Variants in CDH7 observed in about 807,000 individuals in gnomAD.
The protein encoded by CDH7 is cadherin 7.
Under a neutral mutation model 71.8 loss-of-function variants are expected in CDH7, and 25 were observed. That is an observed-to-expected ratio of 0.35 (90% CI 0.25 to 0.49). CDH7 has a LOEUF of 0.49. CDH7 is among the 20% of genes least tolerant of loss of function. The probability of loss-of-function intolerance (pLI) is 0.99; values close to 1 mark genes in which losing one functional copy is unlikely to be tolerated. For missense variants in CDH7, 862 were observed against 974.6 expected (o/e 0.88, Z 1.54); for synonymous variants, 381 against 363.8 (o/e 1.05, Z -0.54).
intron 2 of CDH7, among the ~76,000 whole-genome samples, chr18:65,779,772 A>T (rs1239070337): frequency 2.1e-4 from 12 of 57,116 alleles, no homozygotes; most frequent in Non-Finnish European, 3.4e-4. Flanking sequence ...ATACGTGTGC[A>T]TGTGTCTTTA....
chr18:65,880,500 A>G lies in CDH7; in HGVS notation c.1964A>G (p.Asp655Gly). The change falls in exon 12 of 12, where the codon GAC becomes GGC. Residue 655 changes from aspartate to glycine, a missense_variant. Physicochemically the swap from Asp to Gly is moderately conservative, Grantham distance 94 (BLOSUM62 -1). Transcript: ENST00000397968. Reference sequence around the variant, plus strand: ...AGAGAAAATATTGTGAGATACGATGACGAGGGCGGGGGAGAGGAGGACACG... The same window carrying G: ...AGAGAAAATATTGTGAGATACGATGGCGAGGGCGGGGGAGAGGAGGACACG... The part of the protein sequence containing the change: ...DIRENIVRYD[D>G]EGGGEEDTEA... The G allele has an allele frequency of 1.2e-6, 2 of 1,608,630 alleles. No homozygotes were observed. The highest frequency in any genetic ancestry group is 8.5e-7 in the Non-Finnish European group (1 of 1,178,580).
chr18:65,793,418 CAAA>C (rs541826329), intron 2 of CDH7, among the ~76,000 whole-genome samples: 3 of 91,158 alleles, frequency 3.3e-5, no homozygotes, highest in Non-Finnish European at 7.0e-5. Flanking sequence ...CACCCAGTCT[CAAA>C]AAAAAAAAAA....
chr18:65,866,663 A>C (rs963639910), intron 11 of CDH7, among the ~76,000 whole-genome samples: 4 of 152,188 alleles, frequency 2.6e-5, no homozygotes, highest in Non-Finnish European at 5.9e-5. Flanking sequence ...ATTTTTATTT[A>C]AACTGCACAA....
At chr18:65,786,437 T>A (rs1368060288) in intron 2 of CDH7, among the ~76,000 whole-genome samples, 2 of 152,166 alleles carry the variant, frequency 1.3e-5, no homozygotes, top group East Asian at 3.9e-4. Context: ...GACTTTAGAA[T>A]GACCTATGCA....
rs760723632 is a variant in CDH7 at position 65,762,972 on chromosome 18, C to T, written c.130C>T (p.Arg44Trp). 4.3e-6 allele frequency: 7 copies of T among 1,613,602 alleles called. No individual in the cohort carries two copies. Among genetic ancestry groups the T allele is most frequent in the African/African-American group, 1.3e-5 (1 of 74,986 alleles). The change falls in exon 2 of 12, where the codon CGG (arginine) becomes TGG (tryptophan). Residue 44 changes from arginine to tryptophan, a missense_variant. Transcript: ENST00000397968. The stretch of plus-strand genomic sequence containing the variant: ...GCCCTATTTCCAATCAGGGAGGTCC[C>T]GGACCAAGCGCAGCTGGGTGTGGAA... ...SKPYFQSGRS[R>W]TKRSWVWNQF... is the part of the protein sequence containing the mutation.
chr18:65,822,030 T>C, intron 4 of CDH7, 51 bp from the exon 5 acceptor site: 1 of 1,388,450 alleles, frequency 7.2e-7, no homozygotes, highest in Non-Finnish European at 1.0e-6. Flanking sequence ...TCTTTGTTAG[T>C]ATAAATGCAG....
At chr18:65,829,465 T>TAAA (rs1912254593) in intron 6 of CDH7, among the ~76,000 whole-genome samples, 1 of 23,282 alleles carries the variant, frequency 4.3e-5, no homozygotes, top group Admixed American at 5.7e-4. Flanking sequence ...ATAGGTAAAA[T>TAAA]TAAAAAAAAA....
At chr18:65,833,027 C>T (rs1490198579) in intron 6 of CDH7, among the ~76,000 whole-genome samples, 1 of 152,172 alleles carries the variant, frequency 6.6e-6, no homozygotes, top group Non-Finnish European at 1.5e-5. Context: ...CTTTGTCACA[C>T]TATGAAGACA....
At chr18:65,866,594 A>G (rs1344853288) in intron 11 of CDH7, among the ~76,000 whole-genome samples, 1 of 152,186 alleles carries the variant, frequency 6.6e-6, no homozygotes, top group African/African-American at 2.4e-5. Context: ...AGGAGTACAT[A>G]TAACAAGTTA....
chr18:65,806,020 C>T (rs981962220), intron 2 of CDH7, among the ~76,000 whole-genome samples: 2 of 152,126 alleles, frequency 1.3e-5, no homozygotes, highest in Non-Finnish European at 2.9e-5. Context: ...ACAATAGACT[C>T]ATGGTGGAGG....
At position 65,769,842 on chromosome 18, in the gene CDH7, C is replaced by T. The variant is rs369829886; in HGVS notation, c.210+6790C>T. ...GACAGAAGTGATGCTTTTCCCTTCT[C>T]ACTGTATCACGTCAGAAGATAGAGG... On this transcript the variant is annotated intron_variant, in intron 2 of 11. Coordinates refer to ENST00000397968, the MANE Select transcript of CDH7 (RefSeq NM_004361.5). Among the ~76,000 whole-genome samples the T allele has an allele frequency of 6.8e-4, 104 of 152,224 alleles. 3 individuals carry two copies. The South Asian group carries it at 0.021, about 30-fold the overall frequency.
intron 1 of CDH7, among the ~76,000 whole-genome samples, chr18:65,761,712 T>C (rs1201110693): frequency 6.6e-6 from 1 of 152,156 alleles, no homozygotes; most frequent in Middle Eastern, 3.2e-3. Context: ...TGTTCGAAAG[T>C]TTGTTTTGTA....
intron 2 of CDH7, among the ~76,000 whole-genome samples, chr18:65,804,362 A>G (rs1376891835): frequency 6.6e-6 from 1 of 152,178 alleles, no homozygotes; most frequent in African/African-American, 2.4e-5. Flanking sequence ...AGTAAGATCA[A>G]ATAACAAGCA....
intron 3 of CDH7, among the ~76,000 whole-genome samples, chr18:65,813,963 A>G (rs1249495751): frequency 6.6e-6 from 1 of 152,214 alleles, no homozygotes; most frequent in East Asian, 1.9e-4. Flanking sequence ...CCAAGGAGAT[A>G]GGGTAGCCAC....
At chr18:65,869,175 A>G (rs1286087494) in intron 11 of CDH7, among the ~76,000 whole-genome samples, 1 of 151,688 alleles carries the variant, frequency 6.6e-6, no homozygotes, top group African/African-American at 2.4e-5. Flanking sequence ...TGGGCCTTGA[A>G]TCAATTTGTT....
intron 6 of CDH7, among the ~76,000 whole-genome samples, chr18:65,833,123 A>C (rs1452442514): frequency 3.3e-5 from 5 of 152,208 alleles, no homozygotes; most frequent in Non-Finnish European, 5.9e-5. Flanking sequence ...TGAAGTCAAA[A>C]TAATACAGCA....
intron 11 of CDH7, among the ~76,000 whole-genome samples, chr18:65,869,206 C>T (rs1383198641): frequency 3.0e-5 from 4 of 132,624 alleles, no homozygotes; most frequent in Non-Finnish European, 6.4e-5. Context: ...ATTGTTGCAC[C>T]TGATTTTTGT....
At chr18:65,754,026 A>G (rs150966896) in intron 1 of CDH7, among the ~76,000 whole-genome samples, 85 of 152,358 alleles carry the variant, frequency 5.6e-4, no homozygotes, top group African/African-American at 2.0e-3. Context: ...TAGTTGATAC[A>G]GCTAAGATTT....
intron 11 of CDH7, among the ~76,000 whole-genome samples, chr18:65,877,701 T>C (rs1209386421): frequency 8.5e-5 from 13 of 152,188 alleles, no homozygotes; most frequent in Admixed American, 8.5e-4. Flanking sequence ...CTTCATTCCA[T>C]GCTTTACTTA....
Sources: allele counts gnomAD v4.1 joint callset (sites outside exome capture counted in the v4.1 genomes callset), GRCh38; gene constraint gnomAD v4.1.1; transcripts MANE v1.5; gene names NCBI Gene and HGNC (gene_info 2026-07-23, HGNC 2026-07-21).